LOXHD1: variants seen among roughly 807,000 people sequenced by gnomAD.
The protein encoded by LOXHD1 is lipoxygenase homology PLAT domains 1.
Under a neutral mutation model 248.2 loss-of-function variants are expected in LOXHD1, and 205 were observed. That is an observed-to-expected ratio of 0.83 (90% confidence interval 0.74 to 0.93). LOXHD1 has a LOEUF of 0.93. LOXHD1 is among the 40% of genes least tolerant of loss of function. The probability of loss-of-function intolerance (pLI) is 0.00; values close to 1 mark genes in which losing one functional copy is unlikely to be tolerated. For missense variants in LOXHD1, 2,930 were observed against 2,971.6 expected (o/e 0.99, Z 0.33); for synonymous variants, 1,113 against 1,162.8 (o/e 0.96, Z 0.87).
At chr18:46,501,411 G>A (rs765720154) in intron 37 of LOXHD1, among the ~76,000 whole-genome samples, 2 of 151,976 alleles carry the variant, frequency 1.3e-5, no homozygotes, top group Non-Finnish European at 2.9e-5. Context: ...TTTTAAAATG[G>A]CCCCCAAACA....
chr18:46,524,382 G>C (rs2035722198), intron 31 of LOXHD1, 84 bp downstream of exon 31: 2 of 1,488,994 alleles, frequency 1.3e-6, no homozygotes, highest in East Asian at 5.0e-5. Flanking sequence ...TGATGGTGGG[G>C]CTCAAGAATG....
rs1246948979 is a variant in LOXHD1, at chr18:46,592,108, GGATGTTCACC to G, written c.1519-50_1519-41del. ...TGGGGTGAGCAAGTTGGTGCACCAGGGATGTTCACCGATGCCCTGCAGTCCCCATTCTGCT... is the reference window on the plus strand; with the variant it reads ...TGGGGTGAGCAAGTTGGTGCACCAGGGATGCCCTGCAGTCCCCATTCTGCT... On this transcript the variant is annotated intron_variant, in intron 11 of 40. Coordinates refer to ENST00000642948, the MANE Select transcript of LOXHD1 (RefSeq NM_001384474.1). 4 of 1,551,578 alleles carry G rather than the reference GGATGTTCACC, an allele frequency of 2.6e-6. No homozygotes were observed. The African/African-American group carries it at 4.1e-5, about 16-fold the overall frequency.
In LOXHD1 at chr18:46,521,130, G is replaced by A. The variant is rs1329395708; in HGVS notation, c.5238C>T (p.Leu1746=). ...GDGITSRVFD[L]LDAMVVNIGV... is the part of the protein sequence containing the mutation. ...CAATGTTCACCACCATGGCATCCAA[G>A]AGGTCGAAGACACGGGAGGTGATGC... The change falls in exon 33 of 41, where the codon CTC becomes CTT. Residue 1746 remains leucine, a synonymous_variant. Coordinates refer to ENST00000642948, the MANE Select transcript of LOXHD1 (RefSeq NM_001384474.1). The A allele has an allele frequency of 6.4e-7, 1 of 1,551,736 alleles. No individual in the cohort carries two copies.
At chr18:46,593,818 A>T in intron 9 of LOXHD1, 58 bp from the exon 10 acceptor site, 1 of 1,530,450 alleles carries the variant, frequency 6.5e-7, no homozygotes, top group Non-Finnish European at 8.9e-7. Flanking sequence ...TTTTCATATT[A>T]CCATGGGGAA....
chr18:46,495,629 T>A (rs1380698721), intron 37 of LOXHD1, among the ~76,000 whole-genome samples: 1 of 152,194 alleles, frequency 6.6e-6, no homozygotes, highest in Non-Finnish European at 1.5e-5. Flanking sequence ...ATACATTGTA[T>A]TCCTCACAGA....
intron 4 of LOXHD1, among the ~76,000 whole-genome samples, chr18:46,623,142 ACCT>A (rs2038691904): frequency 1.3e-5 from 2 of 152,148 alleles, no homozygotes; most frequent in Non-Finnish European, 2.9e-5. Context: ...CCTATATGGA[ACCT>A]TTGTGCAAAT....
chr18:46,628,738 A>G (rs2038779805), intron 4 of LOXHD1, among the ~76,000 whole-genome samples: 1 of 152,216 alleles, frequency 6.6e-6, no homozygotes, highest in African/African-American at 2.4e-5. Context: ...CACAAGGACA[A>G]GCACCACGCT....
intron 3 of LOXHD1, among the ~76,000 whole-genome samples, chr18:46,641,544 A>T (rs1452820756): frequency 6.6e-6 from 1 of 152,096 alleles, no homozygotes; most frequent in Non-Finnish European, 1.5e-5. Flanking sequence ...GCACTAACTC[A>T]TTGAGTCCTA....
intron 34 of LOXHD1, among the ~76,000 whole-genome samples, chr18:46,515,383 A>T (rs1264645315): frequency 2.0e-5 from 3 of 152,148 alleles, no homozygotes; most frequent in African/African-American, 7.2e-5. Context: ...AAAAATCAAA[A>T]CATGTCTCGG....
intron 14 of LOXHD1, among the ~76,000 whole-genome samples, chr18:46,575,365 G>A (rs111317944): frequency 0.052 from 7,866 of 152,270 alleles, 255 homozygotes; most frequent in Non-Finnish European, 0.076. Flanking sequence ...GTGGTGAACT[G>A]AATTGTGTCC....
chr18:46,546,950 C>A lies in LOXHD1; in HGVS notation c.3459G>T (p.Glu1153Asp). Residue 1153 changes from glutamate to aspartate, a missense_variant, in exon 22 of 41, where the codon GAG (glutamate) becomes GAT (aspartate). Glu to Asp is a conservative substitution (Grantham distance 45). Coordinates refer to ENST00000642948, the MANE Select transcript of LOXHD1 (RefSeq NM_001384474.1). ...DESYVLPQSEEGRGGGDNNPL... is the reference protein window; with the variant it reads ...DESYVLPQSEDGRGGGDNNPL... The stretch of plus-strand genomic sequence containing the variant: ...GGTTGTTGTCACCGCCTCCCCTACC[C>A]TCCTCGCTCTGTGGCAGCACATAGG... 6.4e-7 allele frequency: 1 copy of A among 1,551,748 alleles called. No individual in the cohort carries two copies. Among genetic ancestry groups the A allele is most frequent in the South Asian group, 1.2e-5 (1 of 84,066 alleles).
intron 28 of LOXHD1, among the ~76,000 whole-genome samples, chr18:46,531,790 G>C (rs891091457): frequency 6.6e-6 from 1 of 152,212 alleles, no homozygotes; most frequent in Non-Finnish European, 1.5e-5. Flanking sequence ...ACACAGAACA[G>C]CCCAAGTGCT....
intron 37 of LOXHD1, among the ~76,000 whole-genome samples, chr18:46,492,580 C>T (rs148749470): frequency 2.0e-4 from 31 of 152,270 alleles, no homozygotes; most frequent in African/African-American, 6.5e-4. Context: ...GAGATTATTA[C>T]GATTTAAGGT....
At chr18:46,545,806 T>C (rs967010343) in intron 22 of LOXHD1, among the ~76,000 whole-genome samples, 1 of 151,030 alleles carries the variant, frequency 6.6e-6, no homozygotes, top group African/African-American at 2.4e-5. Context: ...ATTTTTTGTA[T>C]TTTTAGTAGA....
At chr18:46,502,913 G>T (rs900119934) in intron 37 of LOXHD1, among the ~76,000 whole-genome samples, 1 of 152,166 alleles carries the variant, frequency 6.6e-6, no homozygotes, top group Non-Finnish European at 1.5e-5. Flanking sequence ...GGCTGCTGGG[G>T]ATACCACTTC....
chr18:46,576,591 C>G (rs2037860150), intron 14 of LOXHD1, among the ~76,000 whole-genome samples: 1 of 152,216 alleles, frequency 6.6e-6, no homozygotes, highest in Admixed American at 6.5e-5. Context: ...CCTGGCCTGC[C>G]CTCTGTTAGT....
At chr18:46,541,733 G>T in intron 25 of LOXHD1, 43 bp downstream of exon 25, 1 of 1,549,222 alleles carries the variant, frequency 6.5e-7, no homozygotes, top group South Asian at 1.2e-5. Context: ...AGCTGGTGAT[G>T]GGGCCCCAGA....
In LOXHD1 at chr18:46,591,994, A is replaced by C; in HGVS notation, c.1593T>G (p.Asp531Glu). ...NCNRWLDANE[D>E]DNEIVREMTA... ...TCATTTCCCTCACTATCTCATTGTC[A>C]TCCTCATTGGCATCCAGCCAGCGGT... Residue 531 changes from aspartate (D) to glutamate (E), a missense_variant, in exon 12 of 41, where the codon GAT becomes GAG. Coordinates refer to ENST00000642948, the MANE Select transcript of LOXHD1 (RefSeq NM_001384474.1). The C allele has an allele frequency of 6.4e-7, 1 of 1,552,150 alleles. No individual in the cohort carries two copies. The highest frequency in any genetic ancestry group is 8.7e-7 in the Non-Finnish European group (1 of 1,147,080).
intron 24 of LOXHD1, 150 bp downstream of exon 24, chr18:46,542,576 TC>T: frequency 1.1e-6 from 1 of 915,908 alleles, no homozygotes; most frequent in Non-Finnish European, 1.6e-6. Context: ...GAGGACTCTC[TC>T]GGCTCTACTG....
Sources: allele counts gnomAD v4.1 joint callset (sites outside exome capture counted in the v4.1 genomes callset), GRCh38; gene constraint gnomAD v4.1.1; transcripts MANE v1.5; gene names NCBI Gene and HGNC (gene_info 2026-07-23, HGNC 2026-07-21).